EP400: variants seen among roughly 807,000 people sequenced by gnomAD.
EP400 encodes E1A-binding protein p400.
A neutral mutation model predicts 354.1 loss-of-function variants in EP400; 105 were observed. That is an observed-to-expected ratio of 0.30 (90% CI 0.25 to 0.35). The LOEUF (loss-of-function observed/expected upper bound fraction) is 0.35, where lower values mean the gene tolerates loss of function less well. Ranked by LOEUF, EP400 falls within the 10% of genes least tolerant of loss-of-function variation. The pLI is 1.00. For missense variants in EP400, 3,280 were observed against 4,121.0 expected, an observed-to-expected ratio of 0.80 and a Z score of 5.59; for synonymous variants, 1,646 against 1,716.9, an observed-to-expected ratio of 0.96 and a Z score of 1.02.
intron 1 of EP400, among the ~76,000 whole-genome samples, chr12:131,957,718 C>A (rs533400503): frequency 6.6e-6 from 1 of 152,188 alleles, no homozygotes; most frequent in East Asian, 1.9e-4. Flanking sequence ...GCCTCAGCCT[C>A]CCAAGTAGCT....
rs757897797 is a variant in EP400 at position 132,077,462 on chromosome 12, T to G, written c.9161T>G (p.Ile3054Ser). The change falls in exon 53 of 53, where the codon ATC becomes AGC. Residue 3054 changes from isoleucine (I) to serine (S), a missense_variant. Coordinates refer to ENST00000389561, the MANE Select transcript of EP400 (RefSeq NM_015409.5). ...GCGGCCGGGCAGCAGGTGCAGATGA[T>G]CCCTGCAGTGACCGCGACTGCCCAG... ...ATAAGQQVQM[I>S]PAVTATAQVV... is the part of the protein sequence containing the mutation. 2.5e-6 allele frequency: 4 copies of G among 1,613,360 alleles called. No individual in the cohort carries two copies. The highest frequency in any genetic ancestry group is 3.4e-6 in the Non-Finnish European group (4 of 1,180,004).
chr12:132,052,704 C>T lies in EP400; in HGVS notation c.7395-442C>T, dbSNP rs565371625. ...ATTCACCCTACTAATATTTATGGACCGCGGGCCTGCGCGGCGTGGAGCCTG... is the reference window on the plus strand; with the variant it reads ...ATTCACCCTACTAATATTTATGGACTGCGGGCCTGCGCGGCGTGGAGCCTG... On this transcript the variant is annotated intron_variant, in intron 41 of 52. Coordinates refer to ENST00000389561, the MANE Select transcript of EP400 (RefSeq NM_015409.5). This position sits in a 1 kb window ranked among gnomAD's most constrained non-coding sequence, Gnocchi z 4.4. Among the ~76,000 whole-genome samples, 32 of 151,902 alleles carry T rather than the reference C, an allele frequency of 2.1e-4. No homozygotes were observed. Among genetic ancestry groups the T allele is most frequent in the Non-Finnish European group, 4.3e-4 (29 of 68,004 alleles).
Position 132,020,236 on chromosome 12 carries a change from G to A in EP400, c.4447+18G>A. The A allele has an allele frequency of 1.3e-6, 2 of 1,584,164 alleles. No homozygotes were observed. Among genetic ancestry groups the A allele is most frequent in the Middle Eastern group, 3.4e-4 (2 of 5,952 alleles). On this transcript the variant is annotated intron_variant, in intron 22 of 52. Coordinates refer to ENST00000389561, the MANE Select transcript of EP400 (RefSeq NM_015409.5). ...GGCAAAAGGTAGACTTCACGTAGTT[G>A]TCTGCTCTCCGCCTTATGGAGGTTT... is the stretch of plus-strand genomic sequence containing the variant.
chr12:131,987,883 C>T lies in EP400; in HGVS notation c.2402C>T (p.Ala801Val), dbSNP rs755083125. 10 of 1,603,678 alleles carry T rather than the reference C, an allele frequency of 6.2e-6. No individual in the cohort carries two copies. The highest frequency in any genetic ancestry group is 3.4e-5 in the South Asian group (3 of 89,262). Residue 801 changes from alanine (A) to valine (V), a missense_variant, in exon 7 of 53, where the codon GCG becomes GTG. Ala to Val is a moderately conservative substitution (Grantham distance 64, BLOSUM62 0). Around this residue, in one of 20 missense-constraint regions of EP400, gnomAD observed 800 missense variants for 840.0 expected, o/e 0.95. Coordinates refer to ENST00000389561, the MANE Select transcript of EP400 (RefSeq NM_015409.5). ...GAGAGGAGGTGGAAGGTGGCTGCTG[C>T]GAAGAAGGTGGGTTGGAATGCGTGG... Reference protein sequence around the residue: ...AQERRWKVAAAKKLVRTVVRH... With the variant: ...AQERRWKVAAVKKLVRTVVRH...
Position 132,070,971 on chromosome 12 carries a change from C to T in EP400, c.9021+1330C>T, listed in dbSNP as rs866551424. 2.6e-5 allele frequency among the ~76,000 whole-genome samples: 4 copies of T among 152,290 alleles called. No individual in the cohort carries two copies. Among genetic ancestry groups the T allele is most frequent in the East Asian group, 3.9e-4 (2 of 5,182 alleles). On this transcript the variant is annotated intron_variant, in intron 51 of 52. Transcript: ENST00000389561. The surrounding 1 kb of genome is among the most constrained non-coding windows in gnomAD (Gnocchi z 4.1). ...TGGTTTTGTTTTGTTGCATTTCCTT[C>T]GTATACAGTTGTATCACCTGTAAAT...
At position 131,982,305 on chromosome 12, in the gene EP400, G is replaced by T. The variant is rs747568356; in HGVS notation, c.1756G>T (p.Ala586Ser). The change falls in exon 5 of 53, where the codon GCC (alanine) becomes TCC (serine). Residue 586 changes from alanine to serine, a missense_variant. Physicochemically the swap from Ala to Ser is moderately conservative, Grantham distance 99 (BLOSUM62 1). Coordinates refer to ENST00000389561, the MANE Select transcript of EP400 (RefSeq NM_015409.5). ...QFAQQPQVVE[A>S]QTQLQIPVKT... ...TGCACAGCAGCCGCAAGTGGTAGAG[G>T]CCCAGACACAGCTCCAAATCCCGGT... 6.2e-7 allele frequency: 1 copy of T among 1,614,028 alleles called. No homozygotes were observed. Among genetic ancestry groups the T allele is most frequent in the East Asian group, 2.2e-5 (1 of 44,866 alleles).
At chr12:131,987,973 T>A in intron 7 of EP400, 83 bp downstream of exon 7, 79 of 686,324 alleles carry the variant, frequency 1.2e-4, no homozygotes, top group Non-Finnish European at 1.6e-4. Context: ...TGGGGAGGTC[T>A]CCAGACCCAC....
At chr12:131,991,564 T>G in intron 10 of EP400, 108 bp downstream of exon 10, 1 of 959,596 alleles carries the variant, frequency 1.0e-6, no homozygotes, top group Non-Finnish European at 1.6e-6. Context: ...TGACTATTAC[T>G]TCCTTTCTTT....
At chr12:132,045,691 G>A (rs757667233) in intron 38 of EP400, 36 bp from the exon 39 acceptor site, 4 of 1,612,168 alleles carry the variant, frequency 2.5e-6, no homozygotes, top group African/African-American at 2.7e-5. Flanking sequence ...GACTTAGAGT[G>A]TATTCACCTG....
rs1010693174 is a variant in EP400, at chr12:132,075,327, CA to C, written c.9022-1188del. On this transcript the variant is annotated intron_variant, in intron 51 of 52. Transcript: ENST00000389561. This position sits in a 1 kb window ranked among gnomAD's most constrained non-coding sequence, Gnocchi z 4.5. ...TCTCCATGTGGCCAGCGATCCCGGG[CA>C]GAGGTTGTGCAGCTTTTCTGCTCCG... is the stretch of plus-strand genomic sequence containing the variant. Among the ~76,000 whole-genome samples the C allele has an allele frequency of 2.0e-5, 3 of 152,108 alleles. No homozygotes were observed. The highest frequency in any genetic ancestry group is 7.2e-5 in the African/African-American group (3 of 41,430).
chr12:131,991,567 C>T, intron 10 of EP400, 111 bp downstream of exon 10: 1 of 901,160 alleles, frequency 1.1e-6, no homozygotes, highest in Non-Finnish European at 1.7e-6. Flanking sequence ...CTATTACTTC[C>T]TTTCTTTTCT....
At chr12:132,011,370 G>A in intron 15 of EP400, 128 bp from the exon 16 acceptor site, 1 of 1,161,468 alleles carries the variant, frequency 8.6e-7, no homozygotes, top group East Asian at 2.4e-5. Context: ...CCCCAAGTCT[G>A]CCTCAGTCGT....
In EP400 at chr12:131,994,541, G is replaced by A. The variant is rs569498771; in HGVS notation, c.2738-326G>A. ...GTGAGATGGGCGATGATGACTTCACGGTGATCCCAGATGGCATGCCTGTGG... is the reference window on the plus strand; with the variant it reads ...GTGAGATGGGCGATGATGACTTCACAGTGATCCCAGATGGCATGCCTGTGG... On this transcript the variant is annotated intron_variant, in intron 11 of 52. Transcript: ENST00000389561. This position sits in a 1 kb window ranked among gnomAD's most constrained non-coding sequence, Gnocchi z 4.6. Among the ~76,000 whole-genome samples the A allele has an allele frequency of 2.6e-5, 4 of 152,166 alleles. No individual in the cohort carries two copies. The highest frequency in any genetic ancestry group is 2.1e-4 in the South Asian group (1 of 4,824).
chr12:132,015,031 A>G (rs2136535164), intron 19 of EP400, among the ~76,000 whole-genome samples: 1 of 152,238 alleles, frequency 6.6e-6, no homozygotes, highest in South Asian at 2.1e-4. Context: ...TCTGCTCTGC[A>G]GCCAGAGGGC....
Position 132,032,137 on chromosome 12 carries a change from T to C in EP400, c.5939T>C (p.Ile1980Thr). 6.2e-7 allele frequency: 1 copy of C among 1,613,340 alleles called. No individual in the cohort carries two copies. The highest frequency in any genetic ancestry group is 8.5e-7 in the Non-Finnish European group (1 of 1,179,634). The change falls in exon 30 of 53, where the codon ATC becomes ACC. Residue 1980 changes from isoleucine to threonine, a missense_variant. Transcript: ENST00000389561. ...GATAGGATCGGGAGATGCAAAGACA[T>C]CCACATATACAGGTGAGGGCCTGCG... is the stretch of plus-strand genomic sequence containing the variant. ...WCDRIGRCKD[I>T]HIYRLVSGNS...
At chr12:132,000,941 A>G (rs1893387324) in intron 12 of EP400, among the ~76,000 whole-genome samples, 1 of 152,126 alleles carries the variant, frequency 6.6e-6, no homozygotes, top group Non-Finnish European at 1.5e-5. Flanking sequence ...TAATAATTGC[A>G]TGGGTGATGT....
rs529938137 is a variant in EP400, at chr12:132,044,652, C to T, written c.6586-19C>T. 5.6e-5 allele frequency: 91 copies of T among 1,614,080 alleles called. No homozygotes were observed. The highest frequency in any genetic ancestry group is 7.5e-5 in the Non-Finnish European group (89 of 1,179,998). ...CACTGAGACTTGGTGGAAGTCAGAG[C>T]TTGCCGTGTTCCCTACAGGAGTATG... On this transcript the variant is annotated intron_variant, in intron 35 of 52. Coordinates refer to ENST00000389561, the MANE Select transcript of EP400 (RefSeq NM_015409.5).
At position 132,077,612 on chromosome 12, in the gene EP400, A is replaced by C; in HGVS notation, c.9311A>C (p.Lys3104Thr). The change falls in exon 53 of 53, where the codon AAG becomes ACG. Residue 3104 changes from lysine (K) to threonine (T), a missense_variant. Around this residue, in one of 20 missense-constraint regions of EP400, gnomAD observed 279 missense variants for 386.7 expected, o/e 0.72. Coordinates refer to ENST00000389561, the MANE Select transcript of EP400 (RefSeq NM_015409.5). ...ASSDSPSQQP[K>T]LQMRVPAVRL... ...TCCGACAGCCCAAGCCAGCAGCCCA[A>C]GTTACAGATGAGGGTCCCTGCTGTC... 2 of 1,613,946 alleles carry C rather than the reference A, an allele frequency of 1.2e-6. No homozygotes were observed. The highest frequency in any genetic ancestry group is 1.7e-6 in the Non-Finnish European group (2 of 1,179,956).
At chr12:131,998,090 G>A (rs1214594091) in intron 12 of EP400, among the ~76,000 whole-genome samples, 1 of 152,074 alleles carries the variant, frequency 6.6e-6, no homozygotes, top group East Asian at 1.9e-4. Flanking sequence ...CGTAAAACAG[G>A]TTTCCTTCTA....
Sources: gnomAD v4.1 joint callset for allele counts (sites outside exome capture counted in the v4.1 genomes callset) on GRCh38, gnomAD v4.1.1 for gene constraint, gnomAD v4.1.1 regional missense constraint, Gnocchi (gnomAD v3.1) non-coding constraint, MANE v1.5 for transcripts, NCBI Gene and HGNC (gene_info 2026-07-23, HGNC 2026-07-21) for gene names.